The following LHFPL3 variants were observed in gnomAD, a reference collection of about 807,000 sequenced individuals.
LHFPL3 encodes LHFPL tetraspan subfamily member 3 protein.
LHFPL3 carries 5 observed loss-of-function variants against 19.3 expected under a neutral mutation model. The ratio of observed to expected loss-of-function variants is 0.26; its 90% CI spans 0.14 to 0.54. The LOEUF (loss-of-function observed/expected upper bound fraction) is 0.54, where lower values mean the gene tolerates loss of function less well. Ranked by LOEUF, LHFPL3 falls within the 20% of genes least tolerant of loss-of-function variation. LHFPL3 has a pLI of 0.94. For missense variants in LHFPL3, 249 were observed against 307.4 expected, an observed-to-expected ratio of 0.81 and a Z score of 1.42; for synonymous variants, 133 against 126.2, an observed-to-expected ratio of 1.05 and a Z score of -0.36.
intron 2 of LHFPL3, among the ~76,000 whole-genome samples, chr7:104,766,879 C>G (rs1485913279): frequency 1.3e-5 from 2 of 152,186 alleles, no homozygotes; most frequent in Admixed American, 6.5e-5. Flanking sequence ...TGATGGACAC[C>G]AAACCCAAAA....
intron 1 of LHFPL3, among the ~76,000 whole-genome samples, chr7:104,631,300 A>AT (rs397772715): frequency 7.0e-3 from 1 of 142 alleles, no homozygotes; most frequent in African/African-American, 0.019. Flanking sequence ...TTTCATTTTC[A>AT]GTGTAAAACC....
intron 2 of LHFPL3, among the ~76,000 whole-genome samples, chr7:104,769,634 G>A (rs574107407): frequency 1.0e-3 from 130 of 129,856 alleles, no homozygotes; most frequent in South Asian, 8.5e-3. Context: ...GACAGGCCCC[G>A]GTGTGTGATG....
At chr7:104,428,453 A>C (rs1791890143) in intron 1 of LHFPL3, among the ~76,000 whole-genome samples, 1 of 152,286 alleles carries the variant, frequency 6.6e-6, no homozygotes, top group South Asian at 2.1e-4. Flanking sequence ...CATAGTTGAT[A>C]ATTTATAAAT....
chr7:104,366,666 A>C (rs1287529812), intron 1 of LHFPL3, among the ~76,000 whole-genome samples: 4 of 152,166 alleles, frequency 2.6e-5, no homozygotes, highest in African/African-American at 9.7e-5. Flanking sequence ...TCCCACTTCT[A>C]TAGGATGGGT....
intron 2 of LHFPL3, among the ~76,000 whole-genome samples, chr7:104,852,191 A>T (rs1791425955): frequency 6.6e-6 from 1 of 152,140 alleles, no homozygotes; most frequent in South Asian, 2.1e-4. Flanking sequence ...TGCCACCTTA[A>T]TTAACTGTAA....
At chr7:104,546,121 T>C (rs993956693) in intron 1 of LHFPL3, among the ~76,000 whole-genome samples, 1 of 152,190 alleles carries the variant, frequency 6.6e-6, no homozygotes, top group Non-Finnish European at 1.5e-5. Context: ...TATTGAGCCA[T>C]GCTGATGTAA....
At chr7:104,430,422 A>ATATATATATG (rs1562895225) in intron 1 of LHFPL3, among the ~76,000 whole-genome samples, 8 of 10,846 alleles carry the variant, frequency 7.4e-4, no homozygotes, top group Non-Finnish European at 1.4e-3. Context: ...ATATATACAT[A>ATATATATATG]TATATATATA....
intron 1 of LHFPL3, among the ~76,000 whole-genome samples, chr7:104,433,773 T>G (rs1792046058): frequency 6.6e-6 from 1 of 152,196 alleles, no homozygotes; most frequent in Non-Finnish European, 1.5e-5. Flanking sequence ...TTCCTTGAAC[T>G]TAGCCCTGTT....
chr7:104,611,340 A>C (rs1324320960), intron 1 of LHFPL3, among the ~76,000 whole-genome samples: 2 of 152,224 alleles, frequency 1.3e-5, no homozygotes, highest in Non-Finnish European at 2.9e-5. Context: ...GGTCAGTTCC[A>C]CAGCTGGAGT....
chr7:104,487,647 A>G (rs1793263121), intron 1 of LHFPL3, among the ~76,000 whole-genome samples: 2 of 152,242 alleles, frequency 1.3e-5, no homozygotes, highest in Non-Finnish European at 1.5e-5. Context: ...TTCCTCATTA[A>G]CATCATAATA....
chr7:104,386,681 T>C (rs1790950157), intron 1 of LHFPL3, among the ~76,000 whole-genome samples: 1 of 152,224 alleles, frequency 6.6e-6, no homozygotes, highest in South Asian at 2.1e-4. Context: ...TGCCCTGATA[T>C]ACGTGTAGGA....
chr7:104,446,676 A>G (rs1475352480), intron 1 of LHFPL3, among the ~76,000 whole-genome samples: 2 of 152,040 alleles, frequency 1.3e-5, no homozygotes, highest in African/African-American at 4.8e-5. Context: ...CCGGGGTTCA[A>G]GTGATTCTCT....
At chr7:104,521,779 T>C (rs1156616523) in intron 1 of LHFPL3, among the ~76,000 whole-genome samples, 1 of 151,986 alleles carries the variant, frequency 6.6e-6, no homozygotes, top group Non-Finnish European at 1.5e-5. Context: ...AAAAAACACA[T>C]GAAAAAATGC....
intron 1 of LHFPL3, among the ~76,000 whole-genome samples, chr7:104,615,594 T>C (rs540027520): frequency 6.6e-6 from 1 of 152,302 alleles, no homozygotes; most frequent in Admixed American, 6.5e-5. Context: ...TACATAGGTA[T>C]ACATATGCCA....
At chr7:104,390,554 G>A (rs1332183307) in intron 1 of LHFPL3, among the ~76,000 whole-genome samples, 2 of 152,200 alleles carry the variant, frequency 1.3e-5, no homozygotes, top group Non-Finnish European at 2.9e-5. Context: ...TGGTGTATAT[G>A]TGCTACATTT....
chr7:104,845,459 GCT>G (rs1418499562), intron 2 of LHFPL3: 10 of 1,532,972 alleles, frequency 6.5e-6, no homozygotes, highest in South Asian at 4.8e-5. Context: ...TGTGGGTTCA[GCT>G]CTGTTTTGTG....
chr7:104,602,531 C>A (rs1470214226), intron 1 of LHFPL3, among the ~76,000 whole-genome samples: 1 of 152,132 alleles, frequency 6.6e-6, no homozygotes, highest in African/African-American at 2.4e-5. Context: ...TATAAGGTGA[C>A]CAGCAACTAG....
In LHFPL3 at chr7:104,608,084, G is replaced by T. The variant is rs1280708225; in HGVS notation, c.446-128591G>T. Among the ~76,000 whole-genome samples, 736 of 152,202 alleles carry T rather than the reference G, an allele frequency of 4.8e-3. 14 individuals are homozygous for T. Among genetic ancestry groups the T allele is most frequent in the Admixed American group, 0.035 (528 of 15,222 alleles). ...TAGTTCAACCATTGTGGAAGTCACT[G>T]CGGCGATTCCTCAGGGATCTAGAAC... On this transcript the variant is annotated intron_variant, in intron 1 of 2. Transcript: ENST00000424859.
At chr7:104,430,676 G>A (rs556807261) in intron 1 of LHFPL3, among the ~76,000 whole-genome samples, 28 of 150,532 alleles carry the variant, frequency 1.9e-4, no homozygotes, top group South Asian at 6.3e-4. Flanking sequence ...CACCGTGTTT[G>A]CCAGGATGGT....
Sources: gnomAD v4.1 joint callset for allele counts (sites outside exome capture counted in the v4.1 genomes callset) on GRCh38, gnomAD v4.1.1 for gene constraint, MANE v1.5 for transcripts, NCBI Gene and HGNC (gene_info 2026-07-23, HGNC 2026-07-21) for gene names.